The following ESR1 variants were observed in gnomAD, a reference collection of about 807,000 sequenced individuals.
The protein encoded by ESR1 is estrogen receptor 1.
ESR1 carries 12 observed loss-of-function variants against 52.7 expected under a neutral mutation model. The observed-to-expected ratio is 0.23, with a 90% CI of 0.15 to 0.37. The LOEUF (loss-of-function observed/expected upper bound fraction) is 0.37. Among genes scored for constraint, ESR1 ranks in the 10% least tolerant of loss-of-function variants. The pLI, the probability that ESR1 is intolerant of heterozygous loss-of-function variation, is 1.00. For synonymous variants in ESR1, 305 were observed against 316.8 expected (o/e 0.96, Z 0.39); for missense variants, 584 against 779.7 (o/e 0.75, Z 2.99).
At chr6:151,738,672 C>A (rs1562368489) in intron 2 of ESR1, among the ~76,000 whole-genome samples, 1 of 152,138 alleles carries the variant, frequency 6.6e-6, no homozygotes, top group South Asian at 2.1e-4. Flanking sequence ...AGAGCAATAT[C>A]ATAAATTAGA....
intron 3 of ESR1, among the ~76,000 whole-genome samples, chr6:151,886,236 T>G (rs1419515401): frequency 6.6e-6 from 1 of 152,124 alleles, no homozygotes; most frequent in Non-Finnish European, 1.5e-5. Flanking sequence ...TGCCAGAGAT[T>G]TACACGAATT....
chr6:151,725,794 G>T lies in ESR1; in HGVS notation c.-71+23789G>T, dbSNP rs1215954398. 3.3e-5 allele frequency among the ~76,000 whole-genome samples: 5 copies of T among 152,358 alleles called. No individual in the cohort carries two copies. The East Asian group carries it at 9.6e-4, about 29-fold the overall frequency. On this transcript the variant is annotated intron_variant, in intron 2 of 2. Transcript: ENST00000404742. ...TTGTCCTCTGGGAGAGAACATTCTA[G>T]TGGGAGAGATGAGTTGTGAAAAGTT...
intron 3 of ESR1, among the ~76,000 whole-genome samples, chr6:151,894,205 C>T (rs1795115095): frequency 6.6e-6 from 1 of 151,936 alleles, no homozygotes; most frequent in African/African-American, 2.4e-5. Context: ...CTTTTGAGAA[C>T]TGTCTATTCA....
chr6:151,797,548 T>A (rs1355357019), intron 2 of ESR1, among the ~76,000 whole-genome samples: 1 of 152,258 alleles, frequency 6.6e-6, no homozygotes, highest in Non-Finnish European at 1.5e-5. Flanking sequence ...TCATTTTTCC[T>A]TTGGGAAAAT....
intron 2 of ESR1, among the ~76,000 whole-genome samples, chr6:151,749,408 A>T (rs930612231): frequency 6.6e-6 from 1 of 152,180 alleles, no homozygotes; most frequent in Non-Finnish European, 1.5e-5. Flanking sequence ...AACATTTATC[A>T]TTTCTTTGTG....
At chr6:152,064,214 G>C (rs948692228) in intron 6 of ESR1, among the ~76,000 whole-genome samples, 1 of 152,214 alleles carries the variant, frequency 6.6e-6, no homozygotes. Context: ...GCTGGACAGA[G>C]CTGAAGTGTA....
chr6:152,120,352 C>T (rs758228842), intron 6 of ESR1, among the ~76,000 whole-genome samples: 2 of 152,120 alleles, frequency 1.3e-5, no homozygotes, highest in Admixed American at 6.5e-5. Context: ...CACCCTTCAA[C>T]GCCAATGGCC....
chr6:151,811,318 TG>T (rs1355844125), intron 1 of ESR1: 2 of 152,214 alleles, frequency 1.3e-5, no homozygotes, highest in Non-Finnish European at 2.9e-5. Context: ...CATCTTATCC[TG>T]GGTTCCTTTT....
At chr6:151,952,298 A>G (rs1352516830) in intron 4 of ESR1, among the ~76,000 whole-genome samples, 1 of 152,194 alleles carries the variant, frequency 6.6e-6, no homozygotes, top group Non-Finnish European at 1.5e-5. Context: ...TTTCTTCAAC[A>G]GACTCTGGGA....
At chr6:151,880,582 A>G (rs535167918) in intron 2 of ESR1, 73 bp from the exon 3 acceptor site, 5 of 917,982 alleles carry the variant, frequency 5.4e-6, no homozygotes, top group Non-Finnish European at 9.1e-6. Context: ...CAGCCTCCAA[A>G]AGGTTTCCCT....
intron 4 of ESR1, among the ~76,000 whole-genome samples, chr6:151,951,936 C>T (rs895754857): frequency 6.6e-6 from 1 of 152,172 alleles, no homozygotes; most frequent in Non-Finnish European, 1.5e-5. Flanking sequence ...TACTGTGTAC[C>T]ATTGGGTCCT....
rs772860099 is a variant in ESR1 at position 151,808,055 on chromosome 6, A to G, written c.143A>G (p.Lys48Arg). Residue 48 changes from lysine to arginine, a missense_variant, in exon 1 of 8, where the codon AAG becomes AGG. Coordinates refer to ENST00000206249, the MANE Select transcript of ESR1 (RefSeq NM_000125.4). ...GGCGAGGTGTACCTGGACAGCAGCA[A>G]GCCCGCCGTGTACAACTACCCCGAG... Reference protein sequence around the residue: ...PLGEVYLDSSKPAVYNYPEGA... With the variant: ...PLGEVYLDSSRPAVYNYPEGA... The G allele has an allele frequency of 9.3e-6, 15 of 1,613,460 alleles. 1 individual carries two copies. In the South Asian group the frequency reaches 1.6e-4, roughly 18 times the overall value.
intron 5 of ESR1, among the ~76,000 whole-genome samples, chr6:152,057,883 TAC>T (rs1039690430): frequency 6.6e-6 from 1 of 152,020 alleles, no homozygotes; most frequent in African/African-American, 2.4e-5. Context: ...CTGAGAAAAA[TAC>T]ACTCTTGCTG....
At chr6:151,883,537 C>T (rs1391949879) in intron 3 of ESR1, among the ~76,000 whole-genome samples, 1 of 151,844 alleles carries the variant, frequency 6.6e-6, no homozygotes. Context: ...TCTCACAAGC[C>T]CTGTTGGATT....
rs9341021 is a variant in ESR1 at position 152,062,243 on chromosome 6, C to T, written c.1369+1119C>T. On this transcript the variant is annotated intron_variant, in intron 6 of 7. Coordinates refer to ENST00000206249, the MANE Select transcript of ESR1 (RefSeq NM_000125.4). ...TTTTCTTCCCCACCACTGCTAGGAACCTGTGTTGCTTAATGGAATCAGCCC... is the reference window on the plus strand; with the variant it reads ...TTTTCTTCCCCACCACTGCTAGGAATCTGTGTTGCTTAATGGAATCAGCCC... Among the ~76,000 whole-genome samples, 652 of 152,218 alleles carry T rather than the reference C, an allele frequency of 4.3e-3. 5 individuals carry two copies. The highest frequency in any genetic ancestry group is 0.015 in the African/African-American group (610 of 41,524).
At chr6:151,889,997 TG>T (rs1156743946) in intron 3 of ESR1, among the ~76,000 whole-genome samples, 2 of 152,158 alleles carry the variant, frequency 1.3e-5, no homozygotes, top group Admixed American at 1.3e-4. Context: ...ATATTATTTA[TG>T]GTTGGAAAAA....
At chr6:151,894,516 C>G (rs1340339711) in intron 3 of ESR1, among the ~76,000 whole-genome samples, 2 of 152,050 alleles carry the variant, frequency 1.3e-5, no homozygotes, top group East Asian at 1.9e-4. Flanking sequence ...TTTTATGGTT[C>G]CAGGTCTTAG....
chr6:151,659,261 C>T (rs898395154), intron 1 of ESR1, among the ~76,000 whole-genome samples: 2 of 152,196 alleles, frequency 1.3e-5, no homozygotes, highest in Non-Finnish European at 2.9e-5. Context: ...GATCCGCCCA[C>T]CTCAGCCTCC....
chr6:152,125,605 C>A, exon 7 of ESR1: 1 of 394,468 alleles, frequency 2.5e-6, no homozygotes, highest in Admixed American at 3.8e-5. Flanking sequence ...CCCTGGCAAC[C>A]AACACTCAAC....
Sources: gnomAD v4.1 joint callset for allele counts (sites outside exome capture counted in the v4.1 genomes callset) on GRCh38, gnomAD v4.1.1 for gene constraint, MANE v1.5 for transcripts, NCBI Gene and HGNC (gene_info 2026-07-23, HGNC 2026-07-21) for gene names.